CLVS1: variants seen among roughly 807,000 people sequenced by gnomAD.
CLVS1 encodes the protein clavesin 1, also known as clavesin-1.
In CLVS1, 10 loss-of-function variants were observed where a neutral mutation model predicts 33.1. The ratio of observed to expected loss-of-function variants is 0.30; its 90% CI spans 0.19 to 0.51. The LOEUF (loss-of-function observed/expected upper bound fraction) is 0.51, where lower values mean the gene tolerates loss of function less well. Among genes scored for constraint, CLVS1 ranks in the 20% least tolerant of loss-of-function variants. CLVS1 has a pLI of 0.97. For synonymous variants in CLVS1, 163 were observed against 166.1 expected (o/e 0.98, Z 0.14); for missense variants, 343 against 433.4 (o/e 0.79, Z 1.85).
intron 2 of CLVS1, among the ~76,000 whole-genome samples, chr8:61,330,446 G>A (rs1010931905): frequency 6.6e-6 from 1 of 152,158 alleles, no homozygotes; most frequent in African/African-American, 2.4e-5. Context: ...GCCCCATTTG[G>A]ATAGCATGGG....
At chr8:60,987,228 G>T in the CLVS1 span, among the ~76,000 whole-genome samples, 1 of 152,236 alleles carries the variant, frequency 6.6e-6, no homozygotes, top group Non-Finnish European at 1.5e-5. Context: ...GCATGCTCAT[G>T]TGTCTGGAAG....
At chr8:61,042,756 A>T in the CLVS1 span, among the ~76,000 whole-genome samples, 176 of 152,322 alleles carry the variant, frequency 1.2e-3, 1 homozygote, top group African/African-American at 4.1e-3. Flanking sequence ...ATTGGAAGGG[A>T]ACAAGAATGA....
chr8:61,021,323 G>T, the CLVS1 span, among the ~76,000 whole-genome samples: 410 of 152,152 alleles, frequency 2.7e-3, 3 homozygotes, highest in African/African-American at 9.6e-3. Context: ...GGCCACATAC[G>T]TTAGATTTCC....
the CLVS1 span, among the ~76,000 whole-genome samples, chr8:60,977,600 C>T: frequency 6.6e-6 from 1 of 152,060 alleles, no homozygotes; most frequent in South Asian, 2.1e-4. Context: ...GCAAAATGAA[C>T]TTGAGACAAT....
intron 1 of CLVS1, among the ~76,000 whole-genome samples, chr8:61,075,661 C>T (rs995366441): frequency 6.6e-6 from 1 of 152,164 alleles, no homozygotes; most frequent in African/African-American, 2.4e-5. Context: ...ACTGATTTCC[C>T]TCAGATCTCT....
intron 1 of CLVS1, among the ~76,000 whole-genome samples, chr8:61,068,020 T>TA (rs1188948090): frequency 6.6e-6 from 1 of 150,842 alleles, no homozygotes; most frequent in East Asian, 1.9e-4. Context: ...CTTGTCTCTA[T>TA]AAAAAATTTT....
At chr8:61,199,386 A>G (rs1807683472) in intron 2 of CLVS1, among the ~76,000 whole-genome samples, 1 of 152,240 alleles carries the variant, frequency 6.6e-6, no homozygotes, top group Admixed American at 6.5e-5. Context: ...TCCAGAATCT[A>G]TAAGGAACTC....
chr8:61,369,028 C>G (rs1008979819), intron 2 of CLVS1, among the ~76,000 whole-genome samples: 11 of 151,818 alleles, frequency 7.2e-5, no homozygotes, highest in Non-Finnish European at 1.0e-4. Flanking sequence ...TCTTCTTTCT[C>G]TCCCCGTCTT....
At chr8:61,269,650 C>A (rs569046658) in intron 2 of CLVS1, among the ~76,000 whole-genome samples, 85 of 150,350 alleles carry the variant, frequency 5.7e-4, no homozygotes, top group African/African-American at 2.0e-3. Context: ...TACCCATGAG[C>A]GTGGAATGTT....
chr8:61,084,378 G>A lies in CLVS1; in HGVS notation c.-243+27148G>A, dbSNP rs553207017. ...TTTAAGGTGGGGAGTTCTCAACCAG[G>A]GGTGATTTTGCCCTCCCCTCCCGTG... On this transcript the variant is annotated intron_variant, in intron 1 of 2. Transcript: ENST00000522621. Among the ~76,000 whole-genome samples, 40 of 152,206 alleles carry A rather than the reference G, an allele frequency of 2.6e-4. 1 individual carries two copies. In the South Asian group the frequency reaches 7.9e-3, roughly 30 times the overall value.
chr8:61,263,478 T>G (rs1032070404), intron 2 of CLVS1, among the ~76,000 whole-genome samples: 1 of 152,244 alleles, frequency 6.6e-6, no homozygotes, highest in Non-Finnish European at 1.5e-5. Flanking sequence ...GTTGGAAGGC[T>G]GCTCAGTTCC....
At chr8:61,063,515 C>T (rs1484696637) in intron 1 of CLVS1, among the ~76,000 whole-genome samples, 1 of 152,052 alleles carries the variant, frequency 6.6e-6, no homozygotes, top group East Asian at 1.9e-4. Flanking sequence ...AGCTGTTTGG[C>T]CTGGCTGGGG....
intron 2 of CLVS1, among the ~76,000 whole-genome samples, chr8:61,163,382 G>A (rs572873623): frequency 3.0e-4 from 46 of 152,114 alleles, no homozygotes; most frequent in African/African-American, 1.0e-3. Flanking sequence ...ATTAGATTAC[G>A]TCAGTACAAA....
chr8:61,184,440 C>T (rs954546144), intron 2 of CLVS1, among the ~76,000 whole-genome samples: 2 of 152,148 alleles, frequency 1.3e-5, no homozygotes, highest in African/African-American at 2.4e-5. Context: ...TTCTACCAGG[C>T]GTGGGAGGCA....
At chr8:61,207,123 A>G (rs1313426679) in intron 2 of CLVS1, among the ~76,000 whole-genome samples, 9 of 152,220 alleles carry the variant, frequency 5.9e-5, no homozygotes, top group Admixed American at 5.9e-4. Context: ...AGCATCGCAA[A>G]TATTAATATA....
intron 2 of CLVS1, among the ~76,000 whole-genome samples, chr8:61,249,109 C>A (rs1036473910): frequency 2.6e-5 from 4 of 152,152 alleles, no homozygotes; most frequent in Non-Finnish European, 5.9e-5. Context: ...GTTCTCCTTC[C>A]TGTGTCCATG....
intron 3 of CLVS1, among the ~76,000 whole-genome samples, chr8:61,427,392 C>T (rs1268532098): frequency 2.0e-5 from 3 of 152,090 alleles, no homozygotes; most frequent in Non-Finnish European, 4.4e-5. Context: ...AAGTCTGTGC[C>T]GCAAAATAAG....
the CLVS1 span, among the ~76,000 whole-genome samples, chr8:60,982,206 A>C: frequency 6.6e-6 from 1 of 152,226 alleles, no homozygotes; most frequent in Non-Finnish European, 1.5e-5. Flanking sequence ...AATAATTTTA[A>C]TTTAATTAAT....
chr8:61,097,816 T>C (rs1240801580), intron 1 of CLVS1, among the ~76,000 whole-genome samples: 1 of 152,208 alleles, frequency 6.6e-6, no homozygotes, highest in Non-Finnish European at 1.5e-5. Context: ...CTCTTCTCTG[T>C]AATTTGAAAA....
Sources: allele counts gnomAD v4.1 joint callset (sites outside exome capture counted in the v4.1 genomes callset), GRCh38; gene constraint gnomAD v4.1.1; transcripts MANE v1.5; gene names NCBI Gene and HGNC (gene_info 2026-07-23, HGNC 2026-07-21).